The following BRINP2 variants were observed in gnomAD, a reference collection of about 807,000 sequenced individuals.
BRINP2 encodes the protein BMP/retinoic acid inducible neural specific 2.
In BRINP2, 21 loss-of-function variants were observed where a neutral mutation model predicts 69.2. The observed-to-expected ratio is 0.30, with a 90% CI of 0.22 to 0.44. The LOEUF is 0.44. Ranked by LOEUF, BRINP2 falls within the 20% of genes least tolerant of loss-of-function variation. The pLI is 1.00. For missense variants in BRINP2, 877 were observed against 986.0 expected (o/e 0.89, Z 1.48); for synonymous variants, 380 against 394.1 (o/e 0.96, Z 0.42).
rs147707321 is a variant in BRINP2 at position 177,191,971 on chromosome 1, T to C, written c.-77+20239T>C. 8.0e-3 allele frequency among the ~76,000 whole-genome samples: 1,214 copies of C among 152,318 alleles called. 20 individuals are homozygous for C. The highest frequency in any genetic ancestry group is 0.027 in the African/African-American group (1,133 of 41,562). ...CTTCTTGTGTTTTCTTTAATACATA[T>C]CTTGATTTAACCTCAAATTAAAAAT... On this transcript the variant is annotated intron_variant, in intron 1 of 7. Transcript: ENST00000361539.
intron 1 of BRINP2, among the ~76,000 whole-genome samples, chr1:177,221,859 G>C (rs1311346185): frequency 3.3e-5 from 5 of 152,214 alleles, no homozygotes; most frequent in African/African-American, 7.2e-5. Context: ...GCTTTGAAAG[G>C]CTTCTTGGAG....
chr1:177,268,084 T>A (rs564390750), intron 4 of BRINP2, among the ~76,000 whole-genome samples: 12 of 152,322 alleles, frequency 7.9e-5, no homozygotes, highest in African/African-American at 2.9e-4. Context: ...AGAGACCTGA[T>A]GTGGCCTGTT....
At chr1:177,221,457 G>C (rs759201231) in intron 1 of BRINP2, among the ~76,000 whole-genome samples, 2 of 152,100 alleles carry the variant, frequency 1.3e-5, no homozygotes, top group Non-Finnish European at 2.9e-5. Context: ...CCAAACCAGT[G>C]GTGGGTCTTT....
At chr1:177,267,069 C>T (rs1189531286) in intron 4 of BRINP2, among the ~76,000 whole-genome samples, 1 of 152,146 alleles carries the variant, frequency 6.6e-6, no homozygotes, top group African/African-American at 2.4e-5. Context: ...CTGGACATGG[C>T]ATTTTCCACA....
intron 2 of BRINP2, among the ~76,000 whole-genome samples, chr1:177,248,112 T>A (rs1390713432): frequency 6.6e-6 from 1 of 152,140 alleles, no homozygotes; most frequent in Non-Finnish European, 1.5e-5. Context: ...AACAGAATAA[T>A]CCGGCTGTTC....
chr1:177,192,596 C>T (rs1311065731), intron 1 of BRINP2, among the ~76,000 whole-genome samples: 2 of 152,166 alleles, frequency 1.3e-5, no homozygotes, highest in African/African-American at 4.8e-5. Context: ...AAGAACATCA[C>T]TCATCTCCCT....
intron 1 of BRINP2, among the ~76,000 whole-genome samples, chr1:177,189,912 A>T (rs986204959): frequency 6.6e-6 from 1 of 152,216 alleles, no homozygotes; most frequent in Admixed American, 6.5e-5. Flanking sequence ...TATGTGGGAC[A>T]CTGATCACAT....
chr1:177,280,706 G>C lies in BRINP2; in HGVS notation c.1530G>C (p.Gln510His), dbSNP rs1651668268. 1 of 1,614,128 alleles carries C rather than the reference G, an allele frequency of 6.2e-7. No individual in the cohort carries two copies. The highest frequency in any genetic ancestry group is 8.5e-7 in the Non-Finnish European group (1 of 1,180,048). ...ENFLGLETDL[Q>H]DLELKYLLQK... Reference sequence around the variant, plus strand: ...TTCTTGGGCTGGAGACAGACTTGCAGGACCTGGAGCTAAAGTACCTGCTGC... The same window carrying C: ...TTCTTGGGCTGGAGACAGACTTGCACGACCTGGAGCTAAAGTACCTGCTGC... Residue 510 changes from glutamine (Q) to histidine (H), a missense_variant, in exon 8 of 8, where the codon CAG (glutamine) becomes CAC (histidine). By Grantham distance (24) the Gln-to-His change is conservative. Coordinates refer to ENST00000361539, the MANE Select transcript of BRINP2 (RefSeq NM_021165.4).
At chr1:177,260,311 C>T (rs1392413494) in intron 4 of BRINP2, among the ~76,000 whole-genome samples, 3 of 152,170 alleles carry the variant, frequency 2.0e-5, no homozygotes, top group Non-Finnish European at 4.4e-5. Context: ...TGACGAGTTG[C>T]TTCTTATGAA....
At chr1:177,172,659 T>C (rs1647972383) in intron 1 of BRINP2, among the ~76,000 whole-genome samples, 1 of 152,164 alleles carries the variant, frequency 6.6e-6, no homozygotes, top group South Asian at 2.1e-4. Flanking sequence ...ATCCAGGGTA[T>C]ATAGACCTAA....
chr1:177,198,677 G>C (rs1312208122), intron 1 of BRINP2, among the ~76,000 whole-genome samples: 3 of 152,170 alleles, frequency 2.0e-5, no homozygotes, highest in African/African-American at 4.8e-5. Flanking sequence ...TGAGGAAGCT[G>C]TTTCTTCATC....
At chr1:177,255,276 A>C (rs1650718643) in intron 2 of BRINP2, among the ~76,000 whole-genome samples, 1 of 152,238 alleles carries the variant, frequency 6.6e-6, no homozygotes, top group Non-Finnish European at 1.5e-5. Flanking sequence ...TTGTTTCAGA[A>C]CATACAGTTG....
rs763172017 is a variant in BRINP2, at chr1:177,280,747, G to A, written c.1571G>A (p.Arg524His). 44 of 1,614,068 alleles carry A rather than the reference G, an allele frequency of 2.7e-5. No individual in the cohort carries two copies. Among genetic ancestry groups the A allele is most frequent in the East Asian group, 6.7e-5 (3 of 44,886 alleles). ...TACCTGCTGCAGAAGCAGGATAGCCGCATTGAGGTACACTCCATCTTCATC... is the reference window on the plus strand; with the variant it reads ...TACCTGCTGCAGAAGCAGGATAGCCACATTGAGGTACACTCCATCTTCATC... ...LKYLLQKQDS[R>H]IEVHSIFISN... Residue 524 changes from arginine (R) to histidine (H), a missense_variant, in exon 8 of 8, where the codon CGC becomes CAC. This residue lies in a region of BRINP2 where 86 missense variants were observed against 142.1 expected (regional missense o/e 0.61). Coordinates refer to ENST00000361539, the MANE Select transcript of BRINP2 (RefSeq NM_021165.4).
chr1:177,227,622 T>TC (rs1233100699), intron 1 of BRINP2, among the ~76,000 whole-genome samples: 1 of 152,076 alleles, frequency 6.6e-6, no homozygotes, highest in Non-Finnish European at 1.5e-5. Context: ...TTTTTTTTTT[T>TC]CATGGTAATG....
chr1:177,205,269 G>A lies in BRINP2; in HGVS notation c.-76-24532G>A, dbSNP rs116123563. On this transcript the variant is annotated intron_variant, in intron 1 of 7. Coordinates refer to ENST00000361539, the MANE Select transcript of BRINP2 (RefSeq NM_021165.4). ...AATTCTACTGCCTCAGCCTCCTAAGGAGTTGGGATTACAGGCACCCACCAC... is the reference window on the plus strand; with the variant it reads ...AATTCTACTGCCTCAGCCTCCTAAGAAGTTGGGATTACAGGCACCCACCAC... 7.2e-3 allele frequency among the ~76,000 whole-genome samples: 1,099 copies of A among 152,034 alleles called. 10 individuals are homozygous for A. Among genetic ancestry groups the A allele is most frequent in the African/African-American group, 0.024 (989 of 41,474 alleles).
intron 2 of BRINP2, among the ~76,000 whole-genome samples, chr1:177,244,328 A>G (rs190028896): frequency 2.4e-4 from 37 of 152,378 alleles, no homozygotes; most frequent in Non-Finnish European, 3.7e-4. Flanking sequence ...CGTCTTACTT[A>G]TCTTTGTGTC....
intron 4 of BRINP2, among the ~76,000 whole-genome samples, chr1:177,269,203 G>A (rs1211584854): frequency 6.6e-6 from 1 of 152,196 alleles, no homozygotes; most frequent in Non-Finnish European, 1.5e-5. Flanking sequence ...CATCCCTTCT[G>A]ATGAGTTAAT....
At chr1:177,197,070 T>A (rs1333620597) in intron 1 of BRINP2, among the ~76,000 whole-genome samples, 1 of 152,036 alleles carries the variant, frequency 6.6e-6, no homozygotes, top group South Asian at 2.1e-4. Context: ...CATTCTCACA[T>A]TGACATAAAG....
chr1:177,196,492 C>G (rs1648750604), intron 1 of BRINP2, among the ~76,000 whole-genome samples: 1 of 152,122 alleles, frequency 6.6e-6, no homozygotes, highest in Non-Finnish European at 1.5e-5. Flanking sequence ...GTGGTGCATG[C>G]CTGTAATCCC....
Sources: gnomAD v4.1 joint callset for allele counts (sites outside exome capture counted in the v4.1 genomes callset) on GRCh38, gnomAD v4.1.1 for gene constraint, gnomAD v4.1.1 regional missense constraint, MANE v1.5 for transcripts, NCBI Gene and HGNC (gene_info 2026-07-23, HGNC 2026-07-21) for gene names.